Variants in RORA observed in about 807,000 individuals in gnomAD.
RORA encodes nuclear receptor ROR-alpha.
Under a neutral mutation model 69.5 loss-of-function variants are expected in RORA, and 7 were observed. That is an observed-to-expected ratio of 0.10 (90% CI 0.06 to 0.19). The LOEUF (loss-of-function observed/expected upper bound fraction) is 0.19. Among genes scored for constraint, RORA ranks in the 10% least tolerant of loss-of-function variants. The pLI is 1.00. For synonymous variants in RORA, 261 were observed against 240.8 expected (o/e 1.08, Z -0.78); for missense variants, 457 against 663.0 (o/e 0.69, Z 3.41).
chr15:60,763,340 C>T (rs991090665), intron 1 of RORA, among the ~76,000 whole-genome samples: 2 of 151,992 alleles, frequency 1.3e-5, no homozygotes, highest in Admixed American at 6.6e-5. Flanking sequence ...CTTGGGTTAA[C>T]CGGTCCTTGG....
intron 1 of RORA, among the ~76,000 whole-genome samples, chr15:61,123,627 G>T (rs1424878324): frequency 6.6e-6 from 1 of 152,202 alleles, no homozygotes; most frequent in East Asian, 1.9e-4. Context: ...GGGCTCCACA[G>T]CCCTTTGGAG....
chr15:60,774,893 T>C (rs1451918134), intron 1 of RORA, among the ~76,000 whole-genome samples: 2 of 152,220 alleles, frequency 1.3e-5, no homozygotes, highest in African/African-American at 4.8e-5. Flanking sequence ...AACTGGAAAC[T>C]TGAAAATTTA....
chr15:60,775,065 G>C (rs1331570538), intron 1 of RORA, among the ~76,000 whole-genome samples: 1 of 152,208 alleles, frequency 6.6e-6, no homozygotes, highest in Non-Finnish European at 1.5e-5. Context: ...TCTTACCTAT[G>C]ATTCATGTGG....
At position 60,492,362 on chromosome 15, in the gene RORA, G is replaced by A. The variant is rs1186189535; in HGVS notation, c.*5093C>T. The stretch of plus-strand genomic sequence containing the variant: ...GGCTCGAGTTGCTGCTGTCATACAG[G>A]CAGGTTTTGTTTTGTCTTTAAACAT... On this transcript the variant is annotated 3_prime_UTR_variant, in exon 11 of 11. Coordinates refer to ENST00000335670, the MANE Select transcript of RORA (RefSeq NM_134261.3). 3 of 152,102 alleles carry A rather than the reference G, an allele frequency of 2.0e-5. No individual in the cohort carries two copies. Among genetic ancestry groups the A allele is most frequent in the African/African-American group, 7.2e-5 (3 of 41,420 alleles). 9.4% of individuals were successfully genotyped at this position (152,102 alleles called of 1,614,324 possible). A position where few individuals can be genotyped will look rare whatever the true frequency, so the allele number is the denominator to read the frequency against.
chr15:60,548,839 G>GTTAGCCAGGA (rs1567078776), intron 2 of RORA, among the ~76,000 whole-genome samples: 4 of 152,002 alleles, frequency 2.6e-5, no homozygotes, highest in East Asian at 3.9e-4. Flanking sequence ...GGGTTTCACC[G>GTTAGCCAGGA]TGGTCTCGAT....
intron 1 of RORA, among the ~76,000 whole-genome samples, chr15:61,078,901 C>T (rs1566978020): frequency 6.6e-6 from 1 of 152,128 alleles, no homozygotes; most frequent in East Asian, 1.9e-4. Flanking sequence ...TATACTATTT[C>T]TAAACTTTAT....
rs775960162 is a variant in RORA, at chr15:61,184,986, CA to C, written c.166+44066del. Among the ~76,000 whole-genome samples, 259 of 59,674 alleles carry C rather than the reference CA, an allele frequency of 4.3e-3. 2 individuals carry two copies. Among genetic ancestry groups the C allele is most frequent in the Middle Eastern group, 0.027 (3 of 110 alleles). The allele number at this position is 59,674 out of a possible 152,430, so 39.1% of individuals were successfully genotyped here. ...GGCAAAGGAGCGAGACCCTGTCTCT[CA>C]AAAAAAAAAAAAAAAAAGAAGAAGA... On this transcript the variant is annotated intron_variant, in intron 1 of 10. Transcript: ENST00000335670.
chr15:61,215,031 A>AGTTTTTTTTTTTTTTT, intron 1 of RORA, among the ~76,000 whole-genome samples: 1 of 80,626 alleles, frequency 1.2e-5, no homozygotes, highest in Non-Finnish European at 2.3e-5. Flanking sequence ...CGCCCAGCTA[A>AGTTTTTTTTTTTTTTT]TTTTTTTTTT....
intron 1 of RORA, among the ~76,000 whole-genome samples, chr15:61,184,257 A>C (rs1218859815): frequency 6.6e-6 from 1 of 152,184 alleles, no homozygotes; most frequent in Non-Finnish European, 1.5e-5. Flanking sequence ...GAACGCTGAG[A>C]AGCAATAGCT....
At chr15:61,173,853 T>C (rs1329736127) in intron 1 of RORA, among the ~76,000 whole-genome samples, 1 of 152,176 alleles carries the variant, frequency 6.6e-6, no homozygotes, top group Admixed American at 6.5e-5. Context: ...AAGGTCTACG[T>C]TGCCCAGGCT....
chr15:61,188,910 C>T (rs536087622), intron 1 of RORA, among the ~76,000 whole-genome samples: 10 of 152,244 alleles, frequency 6.6e-5, no homozygotes, highest in African/African-American at 2.4e-4. Flanking sequence ...AAGCCTTACC[C>T]CCACTTTCAA....
At chr15:61,007,695 C>T (rs1251316113) in intron 1 of RORA, among the ~76,000 whole-genome samples, 1 of 148,932 alleles carries the variant, frequency 6.7e-6, no homozygotes, top group Non-Finnish European at 1.5e-5. Context: ...AAATATATAA[C>T]ATTAGGCTAA....
intron 1 of RORA, among the ~76,000 whole-genome samples, chr15:60,920,869 T>C (rs1283514098): frequency 1.3e-5 from 2 of 152,224 alleles, no homozygotes; most frequent in Non-Finnish European, 2.9e-5. Flanking sequence ...AAACTACAGA[T>C]GCAGGACACC....
intron 2 of RORA, among the ~76,000 whole-genome samples, chr15:60,562,953 C>T (rs1319587287): frequency 2.0e-5 from 3 of 152,178 alleles, no homozygotes. Flanking sequence ...TTTAAAAATT[C>T]ACTTGTAACT....
chr15:61,112,780 G>A (rs914746571), intron 1 of RORA, among the ~76,000 whole-genome samples: 1 of 152,202 alleles, frequency 6.6e-6, no homozygotes, highest in Non-Finnish European at 1.5e-5. Context: ...AATAGGAGGT[G>A]AGAGTGCCCC....
chr15:60,931,973 A>T (rs1892385372), intron 1 of RORA, among the ~76,000 whole-genome samples: 1 of 152,188 alleles, frequency 6.6e-6, no homozygotes, highest in Non-Finnish European at 1.5e-5. Context: ...AGAATTGATT[A>T]TGGTACCAAT....
chr15:60,825,728 A>G (rs925455956), intron 1 of RORA, among the ~76,000 whole-genome samples: 5 of 152,178 alleles, frequency 3.3e-5, no homozygotes, highest in Non-Finnish European at 7.3e-5. Flanking sequence ...CTCTTCTGTG[A>G]CATACAGGAA....
chr15:60,564,429 A>G (rs2067658722), intron 2 of RORA, among the ~76,000 whole-genome samples: 2 of 152,176 alleles, frequency 1.3e-5, no homozygotes, highest in African/African-American at 2.4e-5. Flanking sequence ...CATCTTTTGG[A>G]ACCATTTTTT....
At chr15:60,701,335 T>C (rs2070978582) in intron 1 of RORA, among the ~76,000 whole-genome samples, 1 of 152,048 alleles carries the variant, frequency 6.6e-6, no homozygotes, top group African/African-American at 2.4e-5. Flanking sequence ...TTCCTAGAAG[T>C]AGTGTAAAAA....
Sources: allele counts gnomAD v4.1 joint callset (sites outside exome capture counted in the v4.1 genomes callset), GRCh38; gene constraint gnomAD v4.1.1; transcripts MANE v1.5; gene names NCBI Gene and HGNC (gene_info 2026-07-23, HGNC 2026-07-21).